TSPAN5: variants seen among roughly 807,000 people sequenced by gnomAD.
The protein encoded by TSPAN5 is tetraspanin-5.
In TSPAN5, 10 loss-of-function variants were observed where a neutral mutation model predicts 37.1. That is an observed-to-expected ratio of 0.27 (90% CI 0.17 to 0.46). The LOEUF is 0.46. Ranked by LOEUF, TSPAN5 falls within the 20% of genes least tolerant of loss-of-function variation. The pLI is 1.00. For synonymous variants in TSPAN5, 110 were observed against 118.9 expected, an observed-to-expected ratio of 0.93 and a Z score of 0.48; for missense variants, 195 against 326.6, an observed-to-expected ratio of 0.60 and a Z score of 3.11.
chr4:98,544,416 T>C (rs918431318), intron 1 of TSPAN5, among the ~76,000 whole-genome samples: 2 of 152,132 alleles, frequency 1.3e-5, no homozygotes, highest in East Asian at 1.9e-4. Context: ...TGTGTGTGTG[T>C]GTGTATAGGG....
chr4:98,631,992 T>C (rs1454990555), intron 1 of TSPAN5, among the ~76,000 whole-genome samples: 1 of 152,158 alleles, frequency 6.6e-6, no homozygotes, highest in Non-Finnish European at 1.5e-5. Context: ...GCACAGATCA[T>C]CTGTGTGCCT....
chr4:98,544,923 T>C (rs533031465), intron 1 of TSPAN5, among the ~76,000 whole-genome samples: 1 of 152,294 alleles, frequency 6.6e-6, no homozygotes, highest in African/African-American at 2.4e-5. Context: ...GGTGGAAGTG[T>C]GTGATGGGCA....
In TSPAN5 at chr4:98,543,215, T is replaced by C. The variant is rs1393019759; in HGVS notation, c.82-35487A>G. Among the ~76,000 whole-genome samples the C allele has an allele frequency of 2.6e-5, 4 of 152,224 alleles. No homozygotes were observed. The East Asian group carries it at 7.7e-4, about 29-fold the overall frequency. ...ACTCTTTGAGCTAACTGGCCAATTA[T>C]CAGTCTTGATTTAGTTTGGCAACAG... On this transcript the variant is annotated intron_variant, in intron 1 of 7. Transcript: ENST00000305798.
At chr4:98,504,373 G>A (rs568178028) in intron 2 of TSPAN5, among the ~76,000 whole-genome samples, 4 of 152,240 alleles carry the variant, frequency 2.6e-5, no homozygotes, top group East Asian at 1.9e-4. Flanking sequence ...AGGCCTGGCC[G>A]AACTCAGAAA....
rs10012327 is a variant in TSPAN5, at chr4:98,562,569, G to A, written c.82-54841C>T. On this transcript the variant is annotated intron_variant, in intron 1 of 7. Transcript: ENST00000305798. ...CCAGCTACTCAGGAGGCTGAGGCAG[G>A]AGAACTGCCTGAACCTGGGAGGTGG... Among the ~76,000 whole-genome samples, 272 of 152,272 alleles carry A rather than the reference G, an allele frequency of 1.8e-3. 2 individuals are homozygous for A. The highest frequency in any genetic ancestry group is 6.3e-3 in the African/African-American group (261 of 41,558).
chr4:98,478,280 T>C (rs1752751660), intron 5 of TSPAN5, among the ~76,000 whole-genome samples: 2 of 152,200 alleles, frequency 1.3e-5, no homozygotes, highest in South Asian at 4.1e-4. Context: ...GCCCTTCTCA[T>C]GAAGAAAGGC....
intron 1 of TSPAN5, among the ~76,000 whole-genome samples, chr4:98,527,241 A>G (rs1157484766): frequency 3.3e-5 from 5 of 152,232 alleles, no homozygotes; most frequent in Non-Finnish European, 7.3e-5. Flanking sequence ...AAAAGGACAC[A>G]AAAGAAAATT....
chr4:98,556,927 T>C lies in TSPAN5; in HGVS notation c.82-49199A>G, dbSNP rs527604017. ...ACTCATCAAAAAGTGAAATGATTATTTCAAAATAAATTTGTTAAAAATTAT... is the reference window on the plus strand; with the variant it reads ...ACTCATCAAAAAGTGAAATGATTATCTCAAAATAAATTTGTTAAAAATTAT... On this transcript the variant is annotated intron_variant, in intron 1 of 7. Transcript: ENST00000305798. 2.6e-5 allele frequency among the ~76,000 whole-genome samples: 4 copies of C among 152,332 alleles called. No homozygotes were observed. In the South Asian group the frequency reaches 8.3e-4, roughly 32 times the overall value.
intron 2 of TSPAN5, among the ~76,000 whole-genome samples, chr4:98,498,168 A>G (rs1280339793): frequency 6.6e-6 from 1 of 152,118 alleles, no homozygotes; most frequent in Non-Finnish European, 1.5e-5. Flanking sequence ...CTTCACCCTC[A>G]CCAGAAACCA....
chr4:98,541,533 TG>T (rs1754355638), intron 1 of TSPAN5, among the ~76,000 whole-genome samples: 1 of 151,722 alleles, frequency 6.6e-6, no homozygotes, highest in Admixed American at 6.6e-5. Context: ...AGAAATTAGC[TG>T]GGCATGGTGG....
intron 1 of TSPAN5, among the ~76,000 whole-genome samples, chr4:98,545,529 A>G (rs28440056): frequency 0.023 from 3,470 of 151,950 alleles, 127 homozygotes; most frequent in African/African-American, 0.08. Flanking sequence ...ATTTCTACAC[A>G]TAAGACTTTT....
At chr4:98,514,321 C>T (rs1338983096) in intron 1 of TSPAN5, among the ~76,000 whole-genome samples, 2 of 152,118 alleles carry the variant, frequency 1.3e-5, no homozygotes, top group South Asian at 2.1e-4. Flanking sequence ...CTGAACAACA[C>T]TCGTTTTAGC....
chr4:98,523,093 A>T (rs1199197607), intron 1 of TSPAN5, among the ~76,000 whole-genome samples: 2 of 152,210 alleles, frequency 1.3e-5, no homozygotes, highest in Non-Finnish European at 1.5e-5. Flanking sequence ...AGACTCTTGG[A>T]AATTAATTTA....
At chr4:98,609,136 A>G (rs750461465) in intron 1 of TSPAN5, among the ~76,000 whole-genome samples, 1 of 152,182 alleles carries the variant, frequency 6.6e-6, no homozygotes, top group Non-Finnish European at 1.5e-5. Context: ...AAAAGAAAAA[A>G]AACCCAACAG....
intron 1 of TSPAN5, among the ~76,000 whole-genome samples, chr4:98,603,065 G>C (rs1439410787): frequency 6.6e-6 from 1 of 152,186 alleles, no homozygotes; most frequent in African/African-American, 2.4e-5. Context: ...TGTTATGCCT[G>C]CTTTTCACAG....
intron 1 of TSPAN5, among the ~76,000 whole-genome samples, chr4:98,611,300 A>C (rs1756182109): frequency 6.6e-6 from 1 of 152,296 alleles, no homozygotes; most frequent in South Asian, 2.1e-4. Context: ...CCCTTGCACA[A>C]TTTCCTCCTT....
chr4:98,631,958 CT>C (rs2110264343), intron 1 of TSPAN5, among the ~76,000 whole-genome samples: 1 of 152,320 alleles, frequency 6.6e-6, no homozygotes, highest in South Asian at 2.1e-4. Flanking sequence ...TTCTTTGAGT[CT>C]TTACATCAGT....
chr4:98,510,760 T>C (rs959152514), intron 1 of TSPAN5, among the ~76,000 whole-genome samples: 16 of 152,192 alleles, frequency 1.1e-4, no homozygotes, highest in African/African-American at 3.6e-4. Flanking sequence ...AGAACACAAT[T>C]TGAAGTTAAG....
At chr4:98,649,410 G>C (rs1403669977) in intron 1 of TSPAN5, among the ~76,000 whole-genome samples, 1 of 152,146 alleles carries the variant, frequency 6.6e-6, no homozygotes, top group Non-Finnish European at 1.5e-5. Context: ...TAACTGGAGG[G>C]TTAGGGCTTC....
Sources: gnomAD v4.1 joint callset for allele counts (sites outside exome capture counted in the v4.1 genomes callset) on GRCh38, gnomAD v4.1.1 for gene constraint, MANE v1.5 for transcripts, NCBI Gene and HGNC (gene_info 2026-07-23, HGNC 2026-07-21) for gene names.